GRM4: variants seen among roughly 807,000 people sequenced by gnomAD.
The protein encoded by GRM4 is glutamate metabotropic receptor 4, also known as metabotropic glutamate receptor 4.
A neutral mutation model predicts 81.7 loss-of-function variants in GRM4; 28 were observed. The observed-to-expected ratio is 0.34, with a 90% CI of 0.25 to 0.47. The LOEUF (loss-of-function observed/expected upper bound fraction) is 0.47. GRM4 is among the 20% of genes least tolerant of loss of function. The pLI is 1.00. For missense variants in GRM4, 948 were observed against 1,290.0 expected, an observed-to-expected ratio of 0.73 and a Z score of 4.06; for synonymous variants, 488 against 528.8, an observed-to-expected ratio of 0.92 and a Z score of 1.06.
intron 1 of GRM4, 67 bp downstream of exon 1, chr6:34,145,933 C>A: frequency 1.1e-6 from 1 of 924,168 alleles, no homozygotes; most frequent in Non-Finnish European, 1.3e-6. Context: ...TTCCACCACA[C>A]CCCACCGGCG....
chr6:34,120,244 T>G (rs1355035106), intron 2 of GRM4, among the ~76,000 whole-genome samples: 2 of 145,110 alleles, frequency 1.4e-5, no homozygotes, highest in African/African-American at 2.6e-5. Context: ...GGCACCCCTC[T>G]CCAGCATGCA....
At chr6:34,024,717 T>C (rs1323335975) in intron 10 of GRM4, 1 of 455,762 alleles carries the variant, frequency 2.2e-6, no homozygotes, top group South Asian at 1.5e-5. Flanking sequence ...GAGCTCCCTG[T>C]CAACAGAAAA....
chr6:34,077,796 C>T lies in GRM4; in HGVS notation c.736+14087G>A, dbSNP rs73744810. On this transcript the variant is annotated intron_variant, in intron 3 of 10. Transcript: ENST00000538487. ...TCTGTTCTTAAGGATTCAGCTCGGGCCTCCTCCTCCAGGAAGCCTTTATGG... is the reference window on the plus strand; with the variant it reads ...TCTGTTCTTAAGGATTCAGCTCGGGTCTCCTCCTCCAGGAAGCCTTTATGG... Among the ~76,000 whole-genome samples, 396 of 152,284 alleles carry T rather than the reference C, an allele frequency of 2.6e-3. 1 individual carries two copies. The highest frequency in any genetic ancestry group is 9.1e-3 in the African/African-American group (377 of 41,534).
rs986314437 is a variant in GRM4, at chr6:34,048,343, G to A, written c.1169-7595C>T. Among the ~76,000 whole-genome samples, 5 of 152,192 alleles carry A rather than the reference G, an allele frequency of 3.3e-5. No individual in the cohort carries two copies. The highest frequency in any genetic ancestry group is 3.4e-3 in the Middle Eastern group (1 of 294). ...CTAGGCAAGGAGAGTCACACCTGGC[G>A]CCTGCACAGCCCCGTGCCCAAGAAG... On this transcript the variant is annotated intron_variant, in intron 6 of 10. Coordinates refer to ENST00000538487, the MANE Select transcript of GRM4 (RefSeq NM_000841.4). This position sits in a 1 kb window ranked among gnomAD's most constrained non-coding sequence, Gnocchi z 4.0.
chr6:34,092,178 A>G lies in GRM4; in HGVS notation c.520-79T>C, dbSNP rs796207459. ...GCCAGCCCCATTCCCCTACACACCAACCTCCCTTTGGTCCCCACAGCCTTG... is the reference window on the plus strand; with the variant it reads ...GCCAGCCCCATTCCCCTACACACCAGCCTCCCTTTGGTCCCCACAGCCTTG... On this transcript the variant is annotated intron_variant, in intron 2 of 10. Transcript: ENST00000538487. This position sits in a 1 kb window ranked among gnomAD's most constrained non-coding sequence, Gnocchi z 6.8. 3 of 934,374 alleles carry G rather than the reference A, an allele frequency of 3.2e-6. No individual in the cohort carries two copies. Among genetic ancestry groups the G allele is most frequent in the African/African-American group, 3.3e-5 (2 of 61,340 alleles). The allele number at this position is 934,374 out of a possible 1,614,324, so 57.9% of individuals were successfully genotyped here.
chr6:34,076,252 C>T (rs1480363128), intron 3 of GRM4, among the ~76,000 whole-genome samples: 3 of 152,250 alleles, frequency 2.0e-5, no homozygotes, highest in Admixed American at 1.3e-4. Context: ...CTGCCAGAGG[C>T]AGGCTCGATG....
rs1037001005 is a variant in GRM4 at position 34,064,554 on chromosome 6, C to T, written c.737-2526G>A. ...GTGCCCATGCTGGGGTGAGTGCCCACTGGTGTTGCTGCCCCCAGGATGAGA... is the reference window on the plus strand; with the variant it reads ...GTGCCCATGCTGGGGTGAGTGCCCATTGGTGTTGCTGCCCCCAGGATGAGA... On this transcript the variant is annotated intron_variant, in intron 3 of 10. Coordinates refer to ENST00000538487, the MANE Select transcript of GRM4 (RefSeq NM_000841.4). The surrounding 1 kb of genome is among the most constrained non-coding windows in gnomAD (Gnocchi z 4.4). Among the ~76,000 whole-genome samples the T allele has an allele frequency of 1.1e-3, 168 of 152,314 alleles. No individual in the cohort carries two copies. Among genetic ancestry groups the T allele is most frequent in the African/African-American group, 3.8e-3 (158 of 41,568 alleles).
intron 4 of GRM4, 59 bp downstream of exon 4, chr6:34,061,834 G>C: frequency 1.3e-6 from 2 of 1,556,998 alleles, no homozygotes; most frequent in Non-Finnish European, 1.8e-6. Flanking sequence ...GACAGGACCC[G>C]TGGCTTTGCC....
upstream of GRM4, among the ~76,000 whole-genome samples, chr6:34,149,563 G>A (rs1185672956): frequency 6.6e-6 from 1 of 152,180 alleles, no homozygotes; most frequent in Non-Finnish European, 1.5e-5. Flanking sequence ...CAATCCTGGG[G>A]TAAGTTGTCC....
intron 2 of GRM4, among the ~76,000 whole-genome samples, chr6:34,125,830 G>A (rs1034782049): frequency 5.9e-5 from 9 of 152,300 alleles, no homozygotes; most frequent in South Asian, 2.1e-4. Context: ...AGACTATCTC[G>A]GCAGGGGGCT....
intron 2 of GRM4, among the ~76,000 whole-genome samples, chr6:34,109,373 G>T (rs1279874227): frequency 1.3e-5 from 1 of 77,346 alleles, no homozygotes; most frequent in Admixed American, 2.1e-4. Context: ...CTTCATAAAA[G>T]GTGGAAGGTT....
chr6:34,095,617 C>T lies in GRM4; in HGVS notation c.520-3518G>A, dbSNP rs562143531. Among the ~76,000 whole-genome samples, 89 of 152,322 alleles carry T rather than the reference C, an allele frequency of 5.8e-4. 1 individual carries two copies. The Middle Eastern group carries it at 0.01, about 17-fold the overall frequency. ...CACTAAGGGTCAGCTCTTAGGGGAG[C>T]TGCCATTCCTCCCGCTAAACCTCCT... On this transcript the variant is annotated intron_variant, in intron 2 of 10. Transcript: ENST00000538487.
chr6:34,124,634 G>A (rs1026624771), intron 2 of GRM4, among the ~76,000 whole-genome samples: 9 of 152,220 alleles, frequency 5.9e-5, no homozygotes, highest in African/African-American at 9.7e-5. Flanking sequence ...AATTCCTGAG[G>A]TGGGCCGGGG....
At chr6:34,112,887 G>T (rs188554947) in intron 2 of GRM4, among the ~76,000 whole-genome samples, 1 of 152,086 alleles carries the variant, frequency 6.6e-6, no homozygotes. Flanking sequence ...CTGCTTCCCC[G>T]AACTTCTCTT....
chr6:34,119,941 C>T (rs538893118), intron 2 of GRM4, among the ~76,000 whole-genome samples: 6 of 152,242 alleles, frequency 3.9e-5, no homozygotes, highest in East Asian at 1.9e-4. Flanking sequence ...GGAGGCAACA[C>T]GCACCCCAGC....
intron 10 of GRM4, among the ~76,000 whole-genome samples, chr6:34,025,240 C>T (rs1164945675): frequency 6.6e-6 from 1 of 152,132 alleles, no homozygotes; most frequent in Non-Finnish European, 1.5e-5. Flanking sequence ...CCCCCATGGT[C>T]AGAAAAGGAA....
intron 10 of GRM4, among the ~76,000 whole-genome samples, chr6:34,023,601 G>A (rs1763995357): frequency 6.6e-6 from 1 of 152,026 alleles, no homozygotes; most frequent in Admixed American, 6.5e-5. Context: ...TCTCAGTCTT[G>A]AGCCCCCCTT....
intron 8 of GRM4, among the ~76,000 whole-genome samples, chr6:34,039,432 G>A (rs886820873): frequency 6.6e-6 from 1 of 152,182 alleles, no homozygotes; most frequent in African/African-American, 2.4e-5. Flanking sequence ...TATCCACGGG[G>A]TCACAGTGGG....
At chr6:34,141,609 G>A (rs948674668) in intron 1 of GRM4, among the ~76,000 whole-genome samples, 1 of 151,670 alleles carries the variant, frequency 6.6e-6, no homozygotes, top group Non-Finnish European at 1.5e-5. Context: ...TACTATCCTT[G>A]TGGTGCTCGT....
Sources: allele counts gnomAD v4.1 joint callset (sites outside exome capture counted in the v4.1 genomes callset), GRCh38; gene constraint gnomAD v4.1.1; non-coding constraint Gnocchi (gnomAD v3.1); transcripts MANE v1.5; gene names NCBI Gene and HGNC (gene_info 2026-07-23, HGNC 2026-07-21).